SYK: variants seen among roughly 807,000 people sequenced by gnomAD.
The protein encoded by SYK is spleen associated tyrosine kinase, also known as tyrosine-protein kinase SYK.
In SYK, 16 loss-of-function variants were observed where a neutral mutation model predicts 77.8. The observed-to-expected ratio is 0.21, with a 90% CI of 0.14 to 0.31. SYK has a LOEUF of 0.31. SYK is among the 10% of genes least tolerant of loss of function. SYK has a pLI of 1.00. For synonymous variants in SYK, 312 were observed against 308.7 expected, an observed-to-expected ratio of 1.01 and a Z score of -0.11; for missense variants, 529 against 814.4, an observed-to-expected ratio of 0.65 and a Z score of 4.26.
rs201228592 is a variant in SYK at position 90,867,189 on chromosome 9, G to A, written c.905G>A (p.Gly302Asp). 2 of 1,614,076 alleles carry A rather than the reference G, an allele frequency of 1.2e-6. No homozygotes were observed. The highest frequency in any genetic ancestry group is 1.1e-5 in the South Asian group (1 of 91,076). ...RIKSYSFPKP[G>D]HRKSSPAQGN... is the part of the protein sequence containing the mutation. ...AAATCATACTCCTTCCCAAAGCCTG[G>A]CCACAGAAAGGTGCTAAAGCAACCC... The change falls in exon 7 of 14, where the codon GGC becomes GAC. Residue 302 changes from glycine to aspartate, a missense_variant. By Grantham distance (94) the Gly-to-Asp change is moderately conservative. This residue lies in a region of SYK where 321 missense variants were observed against 433.1 expected (regional missense o/e 0.74). Coordinates refer to ENST00000375754, the MANE Select transcript of SYK (RefSeq NM_003177.7).
chr9:90,810,502 GA>G (rs1381932613), intron 1 of SYK, among the ~76,000 whole-genome samples: 1 of 149,474 alleles, frequency 6.7e-6, no homozygotes, highest in Non-Finnish European at 1.5e-5. Context: ...AACTTGGGGG[GA>G]CACAATTCAA....
intron 1 of SYK, among the ~76,000 whole-genome samples, chr9:90,812,048 C>A (rs1166542053): frequency 6.6e-6 from 1 of 151,930 alleles, no homozygotes; most frequent in Non-Finnish European, 1.5e-5. Flanking sequence ...CATATTCTAT[C>A]CAGTGTGTAC....
intron 1 of SYK, among the ~76,000 whole-genome samples, chr9:90,823,278 G>A (rs1172681): frequency 0.15 from 22,517 of 152,162 alleles, 1,997 homozygotes; most frequent in East Asian, 0.44. Context: ...TGGTAAGACT[G>A]AAAGGAGAAG....
chr9:90,891,162 T>C (rs1828773992), intron 13 of SYK, among the ~76,000 whole-genome samples: 2 of 141,650 alleles, frequency 1.4e-5, no homozygotes, highest in African/African-American at 5.3e-5. Context: ...TTTTTTTTTT[T>C]TGAGACGGAG....
At chr9:90,806,554 A>C (rs1824843556) in intron 1 of SYK, among the ~76,000 whole-genome samples, 1 of 152,062 alleles carries the variant, frequency 6.6e-6, no homozygotes, top group Non-Finnish European at 1.5e-5. Flanking sequence ...ATATTTGTTG[A>C]CTAAATATGT....
chr9:90,841,756 G>A (rs1464079128), intron 1 of SYK, among the ~76,000 whole-genome samples: 2 of 150,626 alleles, frequency 1.3e-5, no homozygotes, highest in Non-Finnish European at 3.0e-5. Context: ...TGTGTGTGTG[G>A]TGTATGTGAT....
chr9:90,847,665 C>G (rs1159741192), intron 3 of SYK, among the ~76,000 whole-genome samples: 1 of 152,216 alleles, frequency 6.6e-6, no homozygotes, highest in African/African-American at 2.4e-5. Flanking sequence ...TAAGCCTGGG[C>G]AGCAAGACCC....
At chr9:90,888,688 G>C in intron 13 of SYK, 61 bp downstream of exon 13, 1 of 1,282,682 alleles carries the variant, frequency 7.8e-7, no homozygotes, top group South Asian at 1.5e-5. Context: ...GAAATGGTTG[G>C]GCGTCTAAAA....
intron 13 of SYK, among the ~76,000 whole-genome samples, chr9:90,891,570 A>G (rs538583133): frequency 1.8e-4 from 28 of 152,078 alleles, no homozygotes; most frequent in Non-Finnish European, 3.1e-4. Flanking sequence ...TTGATTTTTC[A>G]GGCTGCTTTT....
chr9:90,813,315 C>T (rs546541514), intron 1 of SYK, among the ~76,000 whole-genome samples: 1 of 152,196 alleles, frequency 6.6e-6, no homozygotes, highest in Admixed American at 6.5e-5. Context: ...CCTCCCCACC[C>T]CAGCCACCTC....
At chr9:90,853,908 G>A (rs1439344886) in intron 3 of SYK, among the ~76,000 whole-genome samples, 1 of 152,024 alleles carries the variant, frequency 6.6e-6, no homozygotes, top group Non-Finnish European at 1.5e-5. Context: ...AGAAAAAAAA[G>A]AGAGCAGGGC....
At chr9:90,810,383 G>A (rs2118293144) in intron 1 of SYK, among the ~76,000 whole-genome samples, 1 of 152,340 alleles carries the variant, frequency 6.6e-6, no homozygotes, top group South Asian at 2.1e-4. Context: ...TCATGTTGGA[G>A]TAGGGCTCAC....
rs1359238188 is a variant in SYK at position 90,854,416 on chromosome 9, T to G, written c.579-7790T>G. 3.3e-5 allele frequency among the ~76,000 whole-genome samples: 5 copies of G among 152,128 alleles called. No individual in the cohort carries two copies. In the East Asian group the frequency reaches 9.7e-4, roughly 29 times the overall value. On this transcript the variant is annotated intron_variant, in intron 3 of 13. Coordinates refer to ENST00000375754, the MANE Select transcript of SYK (RefSeq NM_003177.7). ...TCAGCGATCTGAGAGGCATGCATGT[T>G]GAAGAGTGAGTGAGGAGGATGGGAA...
chr9:90,825,927 T>G (rs1029122226), intron 1 of SYK, among the ~76,000 whole-genome samples: 3 of 152,196 alleles, frequency 2.0e-5, no homozygotes, highest in African/African-American at 7.2e-5. Context: ...GCCAAGGTTC[T>G]CAAACTTGAG....
chr9:90,866,467 T>C (rs1827501054), intron 6 of SYK, among the ~76,000 whole-genome samples: 1 of 152,166 alleles, frequency 6.6e-6, no homozygotes, highest in African/African-American at 2.4e-5. Context: ...TTTATGGAAG[T>C]GTGACTTTAT....
intron 12 of SYK, 139 bp downstream of exon 12, chr9:90,888,028 C>A: frequency 1.9e-6 from 2 of 1,079,236 alleles, no homozygotes; most frequent in Non-Finnish European, 2.6e-6. Flanking sequence ...TGCCCTCAGT[C>A]TATTCCAAAC....
Position 90,835,036 on chromosome 9 carries a change from A to G in SYK, c.-41-8822A>G, listed in dbSNP as rs200628043. Among the ~76,000 whole-genome samples the G allele has an allele frequency of 2.6e-5, 4 of 152,210 alleles. No individual in the cohort carries two copies. The East Asian group carries it at 7.7e-4, about 29-fold the overall frequency. On this transcript the variant is annotated intron_variant, in intron 1 of 13. Coordinates refer to ENST00000375754, the MANE Select transcript of SYK (RefSeq NM_003177.7). ...TACTGGCATCTAGTGGGGAGAGGCC[A>G]GGGATGCTGCTCAATAGTCTGTACT...
chr9:90,888,020 C>A, intron 12 of SYK, 131 bp downstream of exon 12: 1 of 1,189,252 alleles, frequency 8.4e-7, no homozygotes, highest in Non-Finnish European at 1.1e-6. Flanking sequence ...AGTTAATGTG[C>A]CCTCAGTCTA....
chr9:90,867,186 C>G lies in SYK; in HGVS notation c.902C>G (p.Pro301Arg). The change falls in exon 7 of 14, where the codon CCT becomes CGT. Residue 301 changes from proline to arginine, a missense_variant. Pro to Arg is a moderately radical substitution (Grantham distance 103). Coordinates refer to ENST00000375754, the MANE Select transcript of SYK (RefSeq NM_003177.7). ...ATCAAATCATACTCCTTCCCAAAGC[C>G]TGGCCACAGAAAGGTGCTAAAGCAA... ...SRIKSYSFPKPGHRKSSPAQG... is the reference protein window; with the variant it reads ...SRIKSYSFPKRGHRKSSPAQG... 1 of 1,614,152 alleles carries G rather than the reference C, an allele frequency of 6.2e-7. No homozygotes were observed. The highest frequency in any genetic ancestry group is 1.1e-5 in the South Asian group (1 of 91,086).
Sources: gnomAD v4.1 joint callset for allele counts (sites outside exome capture counted in the v4.1 genomes callset) on GRCh38, gnomAD v4.1.1 for gene constraint, gnomAD v4.1.1 regional missense constraint, MANE v1.5 for transcripts, NCBI Gene and HGNC (gene_info 2026-07-23, HGNC 2026-07-21) for gene names.